TNRC6A: variants seen among roughly 807,000 people sequenced by gnomAD.
The protein encoded by TNRC6A is trinucleotide repeat-containing gene 6A protein.
TNRC6A carries 44 observed loss-of-function variants against 221.2 expected under a neutral mutation model. The ratio of observed to expected loss-of-function variants is 0.20; its 90% CI spans 0.16 to 0.26. The LOEUF (loss-of-function observed/expected upper bound fraction) is 0.26. TNRC6A is among the 10% of genes least tolerant of loss of function. The pLI is 1.00. For synonymous variants in TNRC6A, 847 were observed against 838.5 expected, an observed-to-expected ratio of 1.01 and a Z score of -0.18; for missense variants, 2,199 against 2,404.4, an observed-to-expected ratio of 0.91 and a Z score of 1.79.
intron 2 of TNRC6A, among the ~76,000 whole-genome samples, chr16:24,672,304 A>G (rs1454607347): frequency 2.0e-5 from 3 of 150,680 alleles, no homozygotes; most frequent in Non-Finnish European, 4.4e-5. Context: ...TTTTCTTTGT[A>G]TTTTTAGTAG....
At chr16:24,690,910 C>T (rs974041435) in intron 2 of TNRC6A, among the ~76,000 whole-genome samples, 5 of 151,674 alleles carry the variant, frequency 3.3e-5, no homozygotes, top group East Asian at 1.9e-4. Context: ...TGGGTTCACG[C>T]CATTCTCCTG....
At chr16:24,812,977 A>G (rs1384817833) in intron 18 of TNRC6A, among the ~76,000 whole-genome samples, 1 of 143,236 alleles carries the variant, frequency 7.0e-6, no homozygotes, top group African/African-American at 2.6e-5. Context: ...CCAGACTCAG[A>G]TGACCCCCCC....
chr16:24,619,623 T>A (rs1261543737), intron 1 of TNRC6A, among the ~76,000 whole-genome samples: 1 of 152,060 alleles, frequency 6.6e-6, no homozygotes, highest in Non-Finnish European at 1.5e-5. Flanking sequence ...GGGATGTAGG[T>A]GGAAGGAAAA....
chr16:24,791,175 T>G lies in TNRC6A; in HGVS notation c.2533T>G (p.Ser845Ala). ...ACAGGGATGGGGTGATGGACAAAAA[T>G]CAAGCCAAGGGTGGTCTGTTTCTGC... Reference protein sequence around the residue: ...NKQGWGDGQKSSQGWSVSASD... With the variant: ...NKQGWGDGQKASQGWSVSASD... Residue 845 changes from serine (S) to alanine (A), a missense_variant, in exon 6 of 25, where the codon TCA becomes GCA. Around this residue, in one of 8 missense-constraint regions of TNRC6A, gnomAD observed 1,405 missense variants for 1,400.2 expected, o/e 1.00. Transcript: ENST00000395799. 1.2e-6 allele frequency: 2 copies of G among 1,613,922 alleles called. No homozygotes were observed. Among genetic ancestry groups the G allele is most frequent in the Non-Finnish European group, 1.7e-6 (2 of 1,179,948 alleles).
At position 24,804,222 on chromosome 16, in the gene TNRC6A, A is replaced by T. The variant is rs1567502758; in HGVS notation, c.3740A>T (p.Asn1247Ile). 1 of 1,613,556 alleles carries T rather than the reference A, an allele frequency of 6.2e-7. No homozygotes were observed. The highest frequency in any genetic ancestry group is 8.5e-7 in the Non-Finnish European group (1 of 1,179,906). Residue 1247 changes from asparagine (N) to isoleucine (I), a missense_variant, in exon 12 of 25, where the codon AAT becomes ATT. Asn to Ile is a moderately radical substitution (Grantham distance 149, BLOSUM62 -3). This residue lies in a region of TNRC6A where 158 missense variants were observed against 159.1 expected (regional missense o/e 0.99). Coordinates refer to ENST00000395799, the MANE Select transcript of TNRC6A (RefSeq NM_014494.4). ...KRMEIDKHSL[N>I]IGDYNRTVGK... is the part of the protein sequence containing the mutation. ...ATGGAGATAGATAAACATAGCCTAA[A>T]TATTGGTGATTACAATCGAACGGTC...
intron 2 of TNRC6A, among the ~76,000 whole-genome samples, chr16:24,698,450 C>T (rs1381389517): frequency 1.3e-5 from 2 of 152,088 alleles, no homozygotes; most frequent in Non-Finnish European, 2.9e-5. Context: ...CCAGGAAGAC[C>T]GGTGTGTGGT....
At chr16:24,655,073 T>A (rs1419435862) in intron 2 of TNRC6A, among the ~76,000 whole-genome samples, 2 of 151,860 alleles carry the variant, frequency 1.3e-5, no homozygotes, top group Non-Finnish European at 2.9e-5. Context: ...CAGAACCCCA[T>A]CGCTACAAAA....
chr16:24,689,677 C>A lies in TNRC6A; in HGVS notation n.402+48668C>A, dbSNP rs187746062. Reference sequence around the variant, plus strand: ...CAAATTGCTGCCCTTATAGAGTGCACGTTTTAGTGGAGGAACAGACAATAA... The same window carrying A: ...CAAATTGCTGCCCTTATAGAGTGCAAGTTTTAGTGGAGGAACAGACAATAA... On this transcript the variant is annotated intron_variant and non_coding_transcript_variant, in intron 2 of 2. Transcript: ENST00000566108. Among the ~76,000 whole-genome samples, 26 of 149,268 alleles carry A rather than the reference C, an allele frequency of 1.7e-4. No homozygotes were observed. In the East Asian group the frequency reaches 5.1e-3, roughly 29 times the overall value.
chr16:24,740,743 C>T (rs2056873348), intron 2 of TNRC6A, among the ~76,000 whole-genome samples: 1 of 152,120 alleles, frequency 6.6e-6, no homozygotes, highest in Admixed American at 6.5e-5. Flanking sequence ...CACCACCATC[C>T]ACCTCTGCAA....
At chr16:24,641,251 T>C (rs1901936140) in intron 2 of TNRC6A, among the ~76,000 whole-genome samples, 1 of 152,196 alleles carries the variant, frequency 6.6e-6, no homozygotes, top group South Asian at 2.1e-4. Context: ...GCTCTGGCCC[T>C]ATCATGTCCA....
At chr16:24,772,591 C>T (rs1376808579) in intron 4 of TNRC6A, among the ~76,000 whole-genome samples, 2 of 151,996 alleles carry the variant, frequency 1.3e-5, no homozygotes, top group Admixed American at 1.3e-4. Flanking sequence ...TCGAGACCAG[C>T]CTGGCCAATG....
chr16:24,686,836 C>G (rs111292357), intron 2 of TNRC6A, among the ~76,000 whole-genome samples: 1 of 152,112 alleles, frequency 6.6e-6, no homozygotes, highest in Non-Finnish European at 1.5e-5. Context: ...AACCCCCTGG[C>G]CTTAGATAAA....
At position 24,630,527 on chromosome 16, in the gene TNRC6A, A is replaced by G. The variant is rs114592659; in HGVS notation, n.277-10357A>G. On this transcript the variant is annotated intron_variant and non_coding_transcript_variant, in intron 1 of 2. Transcript: ENST00000566108. ...AAAACAAACAACAACAACAAAAAAC[A>G]TAAAACAAAGCTTTCTCTGGCTCTC... 3.3e-3 allele frequency among the ~76,000 whole-genome samples: 496 copies of G among 152,278 alleles called. 3 individuals are homozygous for G. Among genetic ancestry groups the G allele is most frequent in the African/African-American group, 0.012 (482 of 41,560 alleles).
intron 1 of TNRC6A, among the ~76,000 whole-genome samples, chr16:24,628,528 C>T (rs541472314): frequency 6.6e-6 from 1 of 152,278 alleles, no homozygotes; most frequent in African/African-American, 2.4e-5. Flanking sequence ...AGAGTAACCC[C>T]TCTTCTTCCT....
chr16:24,644,818 C>G (rs1344129613), intron 2 of TNRC6A, among the ~76,000 whole-genome samples: 1 of 152,144 alleles, frequency 6.6e-6, no homozygotes, highest in South Asian at 2.1e-4. Flanking sequence ...AGTTGCCACA[C>G]TTTTAAAAGG....
At chr16:24,782,721 C>CA (rs769988483) in intron 5 of TNRC6A, among the ~76,000 whole-genome samples, 4 of 151,854 alleles carry the variant, frequency 2.6e-5, no homozygotes, top group African/African-American at 4.8e-5. Flanking sequence ...ACTAAAAATA[C>CA]AAAAAACAAA....
At chr16:24,697,895 C>T (rs969478956) in intron 2 of TNRC6A, among the ~76,000 whole-genome samples, 2 of 151,826 alleles carry the variant, frequency 1.3e-5, no homozygotes, top group African/African-American at 4.8e-5. Flanking sequence ...CAAAAATTAG[C>T]TGCATGTGGT....
At chr16:24,682,219 G>A (rs1439146672) in intron 2 of TNRC6A, among the ~76,000 whole-genome samples, 1 of 146,872 alleles carries the variant, frequency 6.8e-6, no homozygotes, top group Non-Finnish European at 1.5e-5. Context: ...CATGAAAGGA[G>A]GACTTGTTTG....
chr16:24,784,458 G>C (rs145433118), intron 5 of TNRC6A, among the ~76,000 whole-genome samples: 16 of 152,256 alleles, frequency 1.1e-4, no homozygotes, highest in African/African-American at 3.9e-4. Flanking sequence ...TAAGGAGCTG[G>C]GACCCCAGGT....
Sources: gnomAD v4.1 joint callset for allele counts (sites outside exome capture counted in the v4.1 genomes callset) on GRCh38, gnomAD v4.1.1 for gene constraint, gnomAD v4.1.1 regional missense constraint, MANE v1.5 for transcripts, NCBI Gene and HGNC (gene_info 2026-07-23, HGNC 2026-07-21) for gene names.